The following CTNNA3 variants were observed in gnomAD, a reference collection of about 807,000 sequenced individuals.
CTNNA3 encodes catenin alpha-3.
CTNNA3 carries 76 observed loss-of-function variants against 95.7 expected under a neutral mutation model. The observed-to-expected ratio is 0.79, with a 90% CI of 0.66 to 0.96. The LOEUF (loss-of-function observed/expected upper bound fraction) is 0.96, where lower values mean the gene tolerates loss of function less well. Among genes scored for constraint, CTNNA3 ranks in the 40% least tolerant of loss-of-function variants. The pLI, the probability that CTNNA3 is intolerant of heterozygous loss-of-function variation, is 0.00. For missense variants in CTNNA3, 1,191 were observed against 1,089.8 expected (o/e 1.09, Z -1.31); for synonymous variants, 431 against 374.4 (o/e 1.15, Z -1.74).
chr10:67,411,604 A>G (rs756690324), intron 5 of CTNNA3, among the ~76,000 whole-genome samples: 1 of 152,152 alleles, frequency 6.6e-6, no homozygotes, highest in Non-Finnish European at 1.5e-5. Flanking sequence ...AGAAAACTCC[A>G]TGACAACTGT....
chr10:66,496,167 TA>T (rs1475004934), intron 11 of CTNNA3, among the ~76,000 whole-genome samples: 1 of 152,166 alleles, frequency 6.6e-6, no homozygotes, highest in Non-Finnish European at 1.5e-5. Flanking sequence ...ATTGCATGAT[TA>T]AAACCTTTTA....
At chr10:67,616,509 T>C (rs1300335947) in intron 2 of CTNNA3, among the ~76,000 whole-genome samples, 1 of 151,752 alleles carries the variant, frequency 6.6e-6, no homozygotes, top group African/African-American at 2.4e-5. Flanking sequence ...AGTTAAGAAA[T>C]GACAAAATTT....
intron 5 of CTNNA3, among the ~76,000 whole-genome samples, chr10:67,443,726 T>A (rs906433467): frequency 2.0e-5 from 3 of 151,866 alleles, no homozygotes; most frequent in African/African-American, 7.3e-5. Context: ...GTTGTGAAAA[T>A]TTTCTCCCAT....
chr10:66,608,258 A>G (rs1844200013), intron 10 of CTNNA3, among the ~76,000 whole-genome samples: 1 of 152,084 alleles, frequency 6.6e-6, no homozygotes, highest in African/African-American at 2.4e-5. Flanking sequence ...AAAGGTCTCT[A>G]CAATAAGAAT....
intron 12 of CTNNA3, among the ~76,000 whole-genome samples, chr10:66,378,215 AT>A (rs768668478): frequency 4.6e-5 from 7 of 152,212 alleles, no homozygotes; most frequent in Non-Finnish European, 8.8e-5. Context: ...AATTAAAAAA[AT>A]GACTCATCTT....
Position 66,871,179 on chromosome 10 carries a change from T to A in CTNNA3, c.1048-95655A>T, listed in dbSNP as rs533926272. On this transcript the variant is annotated intron_variant, in intron 7 of 17. Transcript: ENST00000433211. ...CAGAGGGCGAATAAAGCTGACCATC[T>A]TAGGTTGAAGAAAATCATATAAACA... is the stretch of plus-strand genomic sequence containing the variant. Among the ~76,000 whole-genome samples the A allele has an allele frequency of 3.4e-4, 52 of 152,320 alleles. 1 individual carries two copies. In the South Asian group the frequency reaches 0.01, roughly 30 times the overall value.
At chr10:67,503,038 C>T (rs930354536) in intron 5 of CTNNA3, among the ~76,000 whole-genome samples, 1 of 152,194 alleles carries the variant, frequency 6.6e-6, no homozygotes, top group African/African-American at 2.4e-5. Context: ...CTGCAGCTAG[C>T]TCAGTGTCTG....
At chr10:66,291,138 T>C (rs796863847) in intron 12 of CTNNA3, among the ~76,000 whole-genome samples, 3 of 152,274 alleles carry the variant, frequency 2.0e-5, no homozygotes, top group East Asian at 3.9e-4. Context: ...GTGTGGTATG[T>C]TGAGGCTTGA....
chr10:65,962,895 T>C (rs1314030309), intron 17 of CTNNA3, among the ~76,000 whole-genome samples: 1 of 152,198 alleles, frequency 6.6e-6, no homozygotes, highest in Non-Finnish European at 1.5e-5. Context: ...CTCATCCTTT[T>C]ATGTGGCTGC....
chr10:65,953,878 T>A (rs2077673522), intron 17 of CTNNA3, among the ~76,000 whole-genome samples: 1 of 152,234 alleles, frequency 6.6e-6, no homozygotes, highest in African/African-American at 2.4e-5. Context: ...CAGCATGATT[T>A]ATACTCCTTT....
intron 5 of CTNNA3, among the ~76,000 whole-genome samples, chr10:67,368,938 A>G (rs764357351): frequency 3.7e-4 from 57 of 152,158 alleles, no homozygotes; most frequent in African/African-American, 1.3e-3. Context: ...TACATTTACT[A>G]TCTTGACTAT....
At chr10:65,928,190 G>A (rs1250324640) in intron 17 of CTNNA3, among the ~76,000 whole-genome samples, 1 of 152,132 alleles carries the variant, frequency 6.6e-6, no homozygotes, top group Non-Finnish European at 1.5e-5. Flanking sequence ...ATGGAGTAAT[G>A]TGCAGTACAT....
At chr10:67,050,541 C>T (rs1855021284) in intron 7 of CTNNA3, among the ~76,000 whole-genome samples, 1 of 152,178 alleles carries the variant, frequency 6.6e-6, no homozygotes, top group Non-Finnish European at 1.5e-5. Flanking sequence ...CTTCCAGTTA[C>T]TGCAGCAAAA....
chr10:66,561,197 T>C (rs963056947), intron 10 of CTNNA3, among the ~76,000 whole-genome samples: 1 of 152,108 alleles, frequency 6.6e-6, no homozygotes, highest in African/African-American at 2.4e-5. Context: ...TTATCTAAAA[T>C]CAAGAGGAGT....
intron 5 of CTNNA3, among the ~76,000 whole-genome samples, chr10:67,291,507 T>C (rs903796770): frequency 6.6e-6 from 1 of 152,198 alleles, no homozygotes; most frequent in South Asian, 2.1e-4. Flanking sequence ...AACAAGTGAT[T>C]TATTTTAAGT....
chr10:67,317,014 G>C (rs765935217), intron 5 of CTNNA3, among the ~76,000 whole-genome samples: 1 of 151,956 alleles, frequency 6.6e-6, no homozygotes, highest in Non-Finnish European at 1.5e-5. Flanking sequence ...CGATCTATTT[G>C]CATCTAACAT....
At chr10:67,537,677 G>T (rs1327957515) in intron 4 of CTNNA3, among the ~76,000 whole-genome samples, 1 of 152,078 alleles carries the variant, frequency 6.6e-6, no homozygotes, top group Non-Finnish European at 1.5e-5. Flanking sequence ...CCTGCATTCT[G>T]CCCTATCTCA....
Position 66,577,606 on chromosome 10 carries a change from C to T in CTNNA3, c.1374+44086G>A, listed in dbSNP as rs117349029. On this transcript the variant is annotated intron_variant, in intron 10 of 17. Coordinates refer to ENST00000433211, the MANE Select transcript of CTNNA3 (RefSeq NM_013266.4). ...GGGTCCCTTCCCCATTGCTTGTTATCGTCAACTCTGCTAAAGGACAGGTGG... is the reference window on the plus strand; with the variant it reads ...GGGTCCCTTCCCCATTGCTTGTTATTGTCAACTCTGCTAAAGGACAGGTGG... Among the ~76,000 whole-genome samples the T allele has an allele frequency of 3.3e-3, 500 of 152,054 alleles. 5 individuals are homozygous for T. Among genetic ancestry groups the T allele is most frequent in the Non-Finnish European group, 5.1e-3 (347 of 67,974 alleles).
chr10:67,166,960 AGCCGGGTGTGGTGGCACAT>A (rs1861794531), intron 7 of CTNNA3, among the ~76,000 whole-genome samples: 2 of 152,154 alleles, frequency 1.3e-5, no homozygotes, highest in Admixed American at 1.3e-4. Context: ...TACAAAAATT[AGCCGGGTGTGGTGGCACAT>A]GCCTGTAGTC....
Sources: gnomAD v4.1 joint callset for allele counts (sites outside exome capture counted in the v4.1 genomes callset) on GRCh38, gnomAD v4.1.1 for gene constraint, MANE v1.5 for transcripts, NCBI Gene and HGNC (gene_info 2026-07-23, HGNC 2026-07-21) for gene names.